Variants in SUPT6H observed in about 807,000 individuals in gnomAD.
The protein encoded by SUPT6H is SPT6 homolog, histone chaperone and transcription elongation factor, also known as transcription elongation factor SPT6.
A neutral mutation model predicts 222.3 loss-of-function variants in SUPT6H; 11 were observed. The ratio of observed to expected loss-of-function variants is 0.05; its 90% CI spans 0.03 to 0.08. The LOEUF is 0.08. SUPT6H is among the 10% of genes least tolerant of loss of function. The pLI is 1.00. For synonymous variants in SUPT6H, 762 were observed against 801.2 expected, an observed-to-expected ratio of 0.95 and a Z score of 0.83; for missense variants, 1,422 against 2,216.0, an observed-to-expected ratio of 0.64 and a Z score of 7.19.
At chr17:28,666,075 C>T (rs2029992691) in intron 1 of SUPT6H, among the ~76,000 whole-genome samples, 1 of 152,228 alleles carries the variant, frequency 6.6e-6, no homozygotes, top group Non-Finnish European at 1.5e-5. Context: ...CCACAGTACA[C>T]GTGTTGTGCT....
Position 28,696,840 on chromosome 17 carries a change from T to C in SUPT6H, c.3971-4T>C, listed in dbSNP as rs755232732. ...AGTCTGTACTGCTTTTCTGCCCTTT[T>C]CAGCATACATCAAGAGAGTGATCGC... On this transcript the variant is annotated splice_polypyrimidine_tract_variant and splice_region_variant and intron_variant, in intron 29 of 36. Coordinates refer to ENST00000314616, the MANE Select transcript of SUPT6H (RefSeq NM_003170.5). 1.6e-5 allele frequency: 26 copies of C among 1,613,858 alleles called. No individual in the cohort carries two copies. Among genetic ancestry groups the C allele is most frequent in the Non-Finnish European group, 2.2e-5 (26 of 1,179,942 alleles).
chr17:28,686,633 G>T, intron 20 of SUPT6H, 21 bp from the exon 21 acceptor site: 1 of 1,572,196 alleles, frequency 6.4e-7, no homozygotes, highest in South Asian at 1.2e-5. Flanking sequence ...CATATTCATT[G>T]ACCAACACTC....
chr17:28,690,186 C>A lies in SUPT6H; in HGVS notation c.3447C>A (p.Ile1149=), dbSNP rs1243535057. Residue 1149 remains isoleucine (I), a synonymous_variant, in exon 26 of 37, where the codon ATC becomes ATA. Coordinates refer to ENST00000314616, the MANE Select transcript of SUPT6H (RefSeq NM_003170.5). ...TAYRSPNTEE[I]FNMLTKETPE... is the part of the protein sequence containing the mutation. ...ACCGCTCTCCCAACACAGAGGAGAT[C>A]TTCAATATGTTAACCAAAGAAACAC... is the stretch of plus-strand genomic sequence containing the variant. The A allele has an allele frequency of 6.2e-7, 1 of 1,613,996 alleles. No homozygotes were observed. The highest frequency in any genetic ancestry group is 1.1e-5 in the South Asian group (1 of 91,068).
At position 28,699,856 on chromosome 17, in the gene SUPT6H, T is replaced by A. The variant is rs1203106950; in HGVS notation, c.4524T>A (p.Phe1508Leu). The A allele has an allele frequency of 1.9e-6, 3 of 1,614,080 alleles. No homozygotes were observed. In the African/African-American group the frequency reaches 4.0e-5, roughly 22 times the overall value. ...TCTTCCCAACCGTGAATGGACTGTT[T>A]AGATGGTTTAAGGATCACTACCAGG... The part of the protein sequence containing the change: ...GQIFPTVNGL[F>L]RWFKDHYQDP... The change falls in exon 33 of 37, where the codon TTT (phenylalanine) becomes TTA (leucine). Residue 1508 changes from phenylalanine to leucine, a missense_variant. By Grantham distance (22) the Phe-to-Leu change is conservative. Around this residue, in one of 13 missense-constraint regions of SUPT6H, gnomAD observed 395 missense variants for 580.6 expected, o/e 0.68. Transcript: ENST00000314616.
At chr17:28,677,448 G>A (rs2030821552) in intron 7 of SUPT6H, among the ~76,000 whole-genome samples, 1 of 151,980 alleles carries the variant, frequency 6.6e-6, no homozygotes, top group African/African-American at 2.4e-5. Context: ...AGGAGGCTGA[G>A]GCAGGAGAAT....
intron 1 of SUPT6H, among the ~76,000 whole-genome samples, chr17:28,668,580 C>T (rs1357658601): frequency 2.0e-5 from 3 of 152,198 alleles, no homozygotes; most frequent in Non-Finnish European, 4.4e-5. Context: ...CTGTGTGCAG[C>T]ATGGAGCACC....
Position 28,686,706 on chromosome 17 carries a change from C to G in SUPT6H, c.2617C>G (p.Gln873Glu). Residue 873 changes from glutamine to glutamate, a missense_variant, in exon 21 of 37, where the codon CAG (glutamine) becomes GAG (glutamate). This residue lies in a region of SUPT6H where 294 missense variants were observed against 382.1 expected (regional missense o/e 0.77). Transcript: ENST00000314616. Reference sequence around the variant, plus strand: ...GAAGCGCATTGTACATGAGCTGGACCAGGGCCAGCAGCTGTCATCTATTGG... The same window carrying G: ...GAAGCGCATTGTACATGAGCTGGACGAGGGCCAGCAGCTGTCATCTATTGG... ...DVKRIVHELD[Q>E]GQQLSSIGVE... 1 of 1,612,188 alleles carries G rather than the reference C, an allele frequency of 6.2e-7. No homozygotes were observed. Among genetic ancestry groups the G allele is most frequent in the South Asian group, 1.1e-5 (1 of 90,736 alleles).
rs2032139555 is a variant in SUPT6H, at chr17:28,701,626, G to A, written c.*1G>A. On this transcript the variant is annotated 3_prime_UTR_variant, in exon 37 of 37. Coordinates refer to ENST00000314616, the MANE Select transcript of SUPT6H (RefSeq NM_003170.5). ...ACTCCTGGACGAGATGGATCGGTAG[G>A]GGGCCTGCTCCTCGGACTCTGGTTA... 3 of 1,604,742 alleles carry A rather than the reference G, an allele frequency of 1.9e-6. No individual in the cohort carries two copies. Among genetic ancestry groups the A allele is most frequent in the African/African-American group, 1.3e-5 (1 of 74,764 alleles).
intron 13 of SUPT6H, among the ~76,000 whole-genome samples, chr17:28,682,429 A>G (rs1487627434): frequency 1.3e-5 from 2 of 152,084 alleles, no homozygotes; most frequent in Non-Finnish European, 2.9e-5. Context: ...TTTGGAGGCC[A>G]GCCTGGTCAA....
chr17:28,690,058 C>T lies in SUPT6H; in HGVS notation c.3343-24C>T, dbSNP rs1276713598. ...CAGGTTGGGGGGCAGCTGCAAGGCT[C>T]TTCTTGATGGGCTTCTTCCCCAGGG... On this transcript the variant is annotated intron_variant, in intron 25 of 36. Coordinates refer to ENST00000314616, the MANE Select transcript of SUPT6H (RefSeq NM_003170.5). 11 of 1,601,246 alleles carry T rather than the reference C, an allele frequency of 6.9e-6. 1 individual carries two copies. Among genetic ancestry groups the T allele is most frequent in the South Asian group, 4.4e-5 (4 of 90,412 alleles).
At chr17:28,666,837 G>A (rs931949721) in intron 1 of SUPT6H, among the ~76,000 whole-genome samples, 3 of 152,148 alleles carry the variant, frequency 2.0e-5, no homozygotes, top group Admixed American at 6.5e-5. Flanking sequence ...CATTATAGGC[G>A]TGAGCCACCG....
intron 1 of SUPT6H, among the ~76,000 whole-genome samples, chr17:28,667,920 C>A (rs1276420073): frequency 1.3e-5 from 2 of 150,486 alleles, no homozygotes; most frequent in Admixed American, 6.6e-5. Flanking sequence ...AAAAAAAAAA[C>A]CCAGCAAATG....
rs2031949365 is a variant in SUPT6H at position 28,696,936 on chromosome 17, G to A, written c.4063G>A (p.Val1355Met). ...KMMETMDQGD[V>M]IIRPSSKGEN... is the part of the protein sequence containing the mutation. ...GATGGAGACCATGGACCAGGGTGAT[G>A]TGATTATCCGACCAAGCAGCAAGGG... Residue 1355 changes from valine (V) to methionine (M), a missense_variant, in exon 30 of 37, where the codon GTG becomes ATG. Physicochemically the swap from Val to Met is conservative, Grantham distance 21. Transcript: ENST00000314616. 1 of 1,614,046 alleles carries A rather than the reference G, an allele frequency of 6.2e-7. No individual in the cohort carries two copies. The highest frequency in any genetic ancestry group is 8.5e-7 in the Non-Finnish European group (1 of 1,180,026).
intron 32 of SUPT6H, among the ~76,000 whole-genome samples, chr17:28,699,340 A>G (rs1053406338): frequency 6.6e-6 from 1 of 152,184 alleles, no homozygotes; most frequent in Non-Finnish European, 1.5e-5. Flanking sequence ...GCCCCTCTTA[A>G]CAACTATCTG....
chr17:28,679,103 G>A, intron 11 of SUPT6H, 140 bp downstream of exon 11: 2 of 1,124,882 alleles, frequency 1.8e-6, no homozygotes, highest in East Asian at 2.6e-5. Context: ...CAGGCACAGT[G>A]GCTCATGCCT....
intron 1 of SUPT6H, among the ~76,000 whole-genome samples, chr17:28,667,907 T>TAA (rs772045157): frequency 7.0e-6 from 1 of 142,206 alleles, no homozygotes. Flanking sequence ...AGCTTGACTC[T>TAA]AAAAAAAAAA....
In SUPT6H at chr17:28,684,982, T is replaced by A. The variant is rs565865623; in HGVS notation, c.2487+21T>A. The A allele has an allele frequency of 4.1e-5, 65 of 1,597,158 alleles. 1 individual carries two copies. The South Asian group carries it at 7.2e-4, about 18-fold the overall frequency. On this transcript the variant is annotated intron_variant, in intron 19 of 36. Coordinates refer to ENST00000314616, the MANE Select transcript of SUPT6H (RefSeq NM_003170.5). ...AGAAGGCAAGTGGCTAGGACGAGGA[T>A]ACTAAGTGTACATCTGGAGTATGTC...
At chr17:28,675,291 G>A in intron 5 of SUPT6H, 110 bp from the exon 6 acceptor site, 1 of 1,486,122 alleles carries the variant, frequency 6.7e-7, no homozygotes, top group Non-Finnish European at 9.2e-7. Flanking sequence ...TCCTTTTCAG[G>A]AGCTTCCCTT....
In SUPT6H at chr17:28,695,529, C is replaced by G; in HGVS notation, c.3952C>G (p.Arg1318Gly). 6.2e-7 allele frequency: 1 copy of G among 1,613,916 alleles called. No individual in the cohort carries two copies. Among genetic ancestry groups the G allele is most frequent in the Non-Finnish European group, 8.5e-7 (1 of 1,179,958 alleles). Residue 1318 changes from arginine to glycine, a missense_variant, in exon 29 of 37, where the codon CGG becomes GGG. By Grantham distance (125) the Arg-to-Gly change is moderately radical. This residue lies in a region of SUPT6H where 395 missense variants were observed against 580.6 expected (regional missense o/e 0.68). Coordinates refer to ENST00000314616, the MANE Select transcript of SUPT6H (RefSeq NM_003170.5). ...ADHKQEEDMK[R>G]KQQRTTYIKR... Reference sequence around the variant, plus strand: ...CCACAAGCAGGAGGAGGACATGAAGCGGAAGCAGCAGCGGACCAGTGAGTG... The same window carrying G: ...CCACAAGCAGGAGGAGGACATGAAGGGGAAGCAGCAGCGGACCAGTGAGTG...
Sources: gnomAD v4.1 joint callset for allele counts (sites outside exome capture counted in the v4.1 genomes callset) on GRCh38, gnomAD v4.1.1 for gene constraint, gnomAD v4.1.1 regional missense constraint, MANE v1.5 for transcripts, NCBI Gene and HGNC (gene_info 2026-07-23, HGNC 2026-07-21) for gene names.